Variants in CREG2 observed in about 807,000 individuals in gnomAD.
CREG2 encodes the protein protein CREG2.
A neutral mutation model predicts 26.2 loss-of-function variants in CREG2; 24 were observed. The ratio of observed to expected loss-of-function variants is 0.92; its 90% confidence interval spans 0.66 to 1.29. The LOEUF (loss-of-function observed/expected upper bound fraction) is 1.29, where lower values mean the gene tolerates loss of function less well. CREG2 is among the 50% of genes most tolerant of loss of function. CREG2 has a pLI of 0.00. For missense variants in CREG2, 366 were observed against 398.6 expected, an observed-to-expected ratio of 0.92 and a Z score of 0.70; for synonymous variants, 174 against 169.2, an observed-to-expected ratio of 1.03 and a Z score of -0.22.
chr2:101,359,893 A>G (rs1684515566), intron 2 of CREG2, among the ~76,000 whole-genome samples: 1 of 152,254 alleles, frequency 6.6e-6, no homozygotes, highest in African/African-American at 2.4e-5. Flanking sequence ...ACCATTCATA[A>G]GAATTTTTTG....
intron 2 of CREG2, among the ~76,000 whole-genome samples, chr2:101,364,001 A>G (rs140424462): frequency 6.6e-6 from 1 of 152,282 alleles, no homozygotes; most frequent in African/African-American, 2.4e-5. Context: ...ATAAAAGGCA[A>G]CTGGAAATCT....
At chr2:101,366,650 C>G (rs1684621941) in intron 2 of CREG2, among the ~76,000 whole-genome samples, 1 of 152,070 alleles carries the variant, frequency 6.6e-6, no homozygotes, top group African/African-American at 2.4e-5. Context: ...GACAAAACCC[C>G]ATCTCTACTA....
chr2:101,353,548 C>A (rs955724752), intron 3 of CREG2, among the ~76,000 whole-genome samples: 1 of 152,178 alleles, frequency 6.6e-6, no homozygotes, highest in Non-Finnish European at 1.5e-5. Flanking sequence ...TTGTGGAAGA[C>A]AATATGGCGA....
At chr2:101,382,709 A>G in intron 2 of CREG2, 3 of 985,406 alleles carry the variant, frequency 3.0e-6, no homozygotes, top group Non-Finnish European at 3.6e-6. Flanking sequence ...TTGTTTGGTT[A>G]TTATGTTTTC....
At chr2:101,365,291 G>C (rs116327313) in intron 2 of CREG2, among the ~76,000 whole-genome samples, 1,963 of 152,288 alleles carry the variant, frequency 0.013, 47 homozygotes, top group African/African-American at 0.045. Context: ...TTCCAGGCTG[G>C]CTGCTTTCAG....
chr2:101,377,722 C>T (rs905425655), intron 2 of CREG2, among the ~76,000 whole-genome samples: 3 of 152,138 alleles, frequency 2.0e-5, no homozygotes, highest in Non-Finnish European at 4.4e-5. Context: ...AATAGATTCC[C>T]ACCCCTAATT....
rs1684982711 is a variant in CREG2 at position 101,387,103 on chromosome 2, C to T, written c.355G>A (p.Gly119Ser). Reference sequence around the variant, plus strand: ...GCGGTGGCGGCGCGCAGTCTAGGGCCCGGGGGCGCACTGGCCGTCTGGCCG... The same window carrying T: ...GCGGTGGCGGCGCGCAGTCTAGGGCTCGGGGGCGCACTGGCCGTCTGGCCG... Reference protein sequence around the residue: ...EGGQTASAPPGPRLRAATARS... With the variant: ...EGGQTASAPPSPRLRAATARS... The change falls in exon 1 of 4, where the codon GGC becomes AGC. Residue 119 changes from glycine (G) to serine (S), a missense_variant. Gly to Ser is a moderately conservative substitution (Grantham distance 56). Transcript: ENST00000324768. The surrounding 1 kb of genome is among the most constrained non-coding windows in gnomAD (Gnocchi z 4.7). 1 of 1,243,354 alleles carries T rather than the reference C, an allele frequency of 8.0e-7. No individual in the cohort carries two copies. The highest frequency in any genetic ancestry group is 1.0e-6 in the Non-Finnish European group (1 of 995,462). The allele number at this position is 1,243,354 out of a possible 1,614,324, so 77.0% of individuals were successfully genotyped here.
chr2:101,351,742 G>A (rs1166802134), intron 3 of CREG2, among the ~76,000 whole-genome samples: 1 of 152,078 alleles, frequency 6.6e-6, no homozygotes, highest in Non-Finnish European at 1.5e-5. Flanking sequence ...GGCAGGGGCT[G>A]TGGCTTACTT....
chr2:101,376,858 CAG>C (rs1479836189), intron 2 of CREG2, among the ~76,000 whole-genome samples: 1 of 152,124 alleles, frequency 6.6e-6, no homozygotes, highest in African/African-American at 2.4e-5. Flanking sequence ...GAAAATTAGA[CAG>C]TGTTTAATTT....
At chr2:101,358,575 A>G (rs954125059) in intron 2 of CREG2, among the ~76,000 whole-genome samples, 1 of 152,236 alleles carries the variant, frequency 6.6e-6, no homozygotes, top group African/African-American at 2.4e-5. Flanking sequence ...AGTTTTATCA[A>G]TACTATAACA....
At chr2:101,359,482 T>C (rs1365151348) in intron 2 of CREG2, among the ~76,000 whole-genome samples, 1 of 152,190 alleles carries the variant, frequency 6.6e-6, no homozygotes, top group Non-Finnish European at 1.5e-5. Context: ...TCCTGAGATA[T>C]TAGTAGGAAG....
intron 2 of CREG2, among the ~76,000 whole-genome samples, chr2:101,372,758 A>G (rs1327599301): frequency 6.6e-6 from 1 of 152,250 alleles, no homozygotes; most frequent in Non-Finnish European, 1.5e-5. Flanking sequence ...AAAAAGGTTC[A>G]TATCTAGAAT....
chr2:101,367,094 G>C (rs1019208601), intron 2 of CREG2, among the ~76,000 whole-genome samples: 2 of 152,118 alleles, frequency 1.3e-5, no homozygotes, highest in Admixed American at 6.5e-5. Flanking sequence ...TGTTTAACTG[G>C]AAGAGTGGTC....
intron 2 of CREG2, chr2:101,382,490 C>G: frequency 1.0e-6 from 1 of 980,866 alleles, no homozygotes; most frequent in African/African-American, 1.8e-5. Flanking sequence ...CTTCTAGTAA[C>G]AGTAAGCTTG....
Position 101,350,939 on chromosome 2 carries a change from AC to A in CREG2, c.856del (p.Val286PhefsTer19), listed in dbSNP as rs1272420991. On this transcript the variant is annotated frameshift_variant, in exon 4 of 4. Transcript: ENST00000324768. LOFTEE classifies it high-confidence loss of function. ...SISREEYFKA[V>X]PRKA The stretch of plus-strand genomic sequence containing the variant: ...CTCACTCCATCAGGCCTTTCTGGGA[AC>A]TGCTTTGAAATATTCCTCCCTTGAA... 1 of 1,614,172 alleles carries A rather than the reference AC, an allele frequency of 6.2e-7. No individual in the cohort carries two copies. Among genetic ancestry groups the A allele is most frequent in the Non-Finnish European group, 8.5e-7 (1 of 1,180,018 alleles).
chr2:101,363,710 C>T (rs961445172), intron 2 of CREG2, among the ~76,000 whole-genome samples: 6 of 152,120 alleles, frequency 3.9e-5, no homozygotes, highest in Admixed American at 2.0e-4. Flanking sequence ...ATTGGCCGGG[C>T]GTTGTGGTGC....
At chr2:101,352,940 T>C (rs1684404501) in intron 3 of CREG2, among the ~76,000 whole-genome samples, 1 of 152,056 alleles carries the variant, frequency 6.6e-6, no homozygotes, top group African/African-American at 2.4e-5. Flanking sequence ...AAAGAAAAAA[T>C]CCTTGCCTCT....
At chr2:101,355,723 G>T (rs1684447810) in intron 2 of CREG2, among the ~76,000 whole-genome samples, 1 of 151,960 alleles carries the variant, frequency 6.6e-6, no homozygotes, top group Non-Finnish European at 1.5e-5. Flanking sequence ...GGTTCGGGGG[G>T]GTGGGAGTGC....
At chr2:101,351,181 C>A in intron 3 of CREG2, 111 bp from the exon 4 acceptor site, 4 of 1,048,616 alleles carry the variant, frequency 3.8e-6, no homozygotes, top group Non-Finnish European at 5.4e-6. Context: ...GACAGCTGCT[C>A]ACATCAGCCA....
Sources: gnomAD v4.1 joint callset for allele counts (sites outside exome capture counted in the v4.1 genomes callset) on GRCh38, gnomAD v4.1.1 for gene constraint, Gnocchi (gnomAD v3.1) non-coding constraint, MANE v1.5 for transcripts, NCBI Gene and HGNC (gene_info 2026-07-23, HGNC 2026-07-21) for gene names.